The following PIP5K1B variants were observed in gnomAD, a reference collection of about 807,000 sequenced individuals.
PIP5K1B encodes phosphatidylinositol 4-phosphate 5-kinase type-1 beta.
A neutral mutation model predicts 67.0 loss-of-function variants in PIP5K1B; 42 were observed. That is an observed-to-expected ratio of 0.63 (90% CI 0.49 to 0.81). PIP5K1B has a LOEUF of 0.81. Among genes scored for constraint, PIP5K1B ranks in the 30% least tolerant of loss-of-function variants. PIP5K1B has a pLI of 0.00. For synonymous variants in PIP5K1B, 214 were observed against 231.4 expected, an observed-to-expected ratio of 0.92 and a Z score of 0.68; for missense variants, 459 against 646.3, an observed-to-expected ratio of 0.71 and a Z score of 3.14.
chr9:68,826,878 A>C (rs1834014134), intron 4 of PIP5K1B, among the ~76,000 whole-genome samples: 1 of 152,104 alleles, frequency 6.6e-6, no homozygotes, highest in Non-Finnish European at 1.5e-5. Flanking sequence ...CAGCCTCCCG[A>C]GTAGCTGGGA....
At chr9:68,714,076 A>G (rs1302397228) in intron 1 of PIP5K1B, among the ~76,000 whole-genome samples, 1 of 152,238 alleles carries the variant, frequency 6.6e-6, no homozygotes, top group Non-Finnish European at 1.5e-5. Flanking sequence ...CAGTTTTGAA[A>G]TAAGAGTTTT....
intron 14 of PIP5K1B, among the ~76,000 whole-genome samples, chr9:68,984,945 G>A (rs1830035629): frequency 6.6e-6 from 1 of 152,200 alleles, no homozygotes; most frequent in African/African-American, 2.4e-5. Flanking sequence ...TCTGTTTAGG[G>A]ACCATGTAAC....
chr9:68,706,448 G>GT (rs1827128918), intron 1 of PIP5K1B, among the ~76,000 whole-genome samples: 1 of 152,186 alleles, frequency 6.6e-6, no homozygotes, highest in South Asian at 2.1e-4. Context: ...AGATGAGCGT[G>GT]TTGTCATTTC....
At chr9:68,878,899 G>A (rs555650217) in intron 6 of PIP5K1B, among the ~76,000 whole-genome samples, 3 of 152,288 alleles carry the variant, frequency 2.0e-5, no homozygotes, top group Admixed American at 6.5e-5. Context: ...GATGCTCAGG[G>A]GGTGAAGGGT....
chr9:68,750,914 G>A (rs986220638), intron 2 of PIP5K1B, among the ~76,000 whole-genome samples: 1 of 152,188 alleles, frequency 6.6e-6, no homozygotes, highest in Non-Finnish European at 1.5e-5. Flanking sequence ...CACCTCTGCT[G>A]ATGACTAATG....
At chr9:68,928,056 G>C (rs1006442380) in intron 12 of PIP5K1B, among the ~76,000 whole-genome samples, 3 of 151,524 alleles carry the variant, frequency 2.0e-5, no homozygotes, top group African/African-American at 7.3e-5. Flanking sequence ...TGAAAATCAT[G>C]AGAGAACATA....
intron 2 of PIP5K1B, among the ~76,000 whole-genome samples, chr9:68,793,082 T>TGTGTATGTGTATACACATATA (rs143509259): frequency 0.14 from 19,832 of 144,002 alleles, 2,218 homozygotes; most frequent in East Asian, 0.31. Flanking sequence ...AGTGTGTATG[T>TGTGTATGTGTATACACATATA]GTGTATGTGT....
At position 68,981,141 on chromosome 9, in the gene PIP5K1B, G is replaced by C. The variant is rs73647054; in HGVS notation, c.1503-9999G>C. Among the ~76,000 whole-genome samples, 840 of 152,180 alleles carry C rather than the reference G, an allele frequency of 5.5e-3. 7 individuals carry two copies. The highest frequency in any genetic ancestry group is 0.019 in the African/African-American group (782 of 41,526). ...GACAAAGTAGAGATAAAAGTTGTTC[G>C]GTGTTTTTTAAGTGTGTCTAATATA... On this transcript the variant is annotated intron_variant, in intron 14 of 15. Transcript: ENST00000265382.
chr9:68,723,694 G>GT (rs1224332057), intron 1 of PIP5K1B, among the ~76,000 whole-genome samples: 16 of 36,712 alleles, frequency 4.4e-4, no homozygotes, highest in South Asian at 2.7e-3. Context: ...TGAAGTATTT[G>GT]GTTTTTTTTT....
chr9:68,993,306 A>ATCTC (rs1192660222), intron 15 of PIP5K1B, among the ~76,000 whole-genome samples: 1 of 151,994 alleles, frequency 6.6e-6, no homozygotes, highest in Non-Finnish European at 1.5e-5. Context: ...GACCAAGCAC[A>ATCTC]TCTCTGCCTT....
intron 2 of PIP5K1B, among the ~76,000 whole-genome samples, chr9:68,797,898 A>C (rs2132522309): frequency 6.6e-6 from 1 of 152,322 alleles, no homozygotes; most frequent in African/African-American, 2.4e-5. Flanking sequence ...AACAAAGTAG[A>C]TTTATAGTGG....
chr9:68,882,773 G>C (rs1307240815), intron 6 of PIP5K1B, among the ~76,000 whole-genome samples: 2 of 152,194 alleles, frequency 1.3e-5, no homozygotes, highest in African/African-American at 4.8e-5. Context: ...TCTAGGGTCT[G>C]CCTTTACTTT....
intron 4 of PIP5K1B, among the ~76,000 whole-genome samples, chr9:68,842,246 G>A (rs1177060260): frequency 6.6e-6 from 1 of 152,162 alleles, no homozygotes; most frequent in African/African-American, 2.4e-5. Flanking sequence ...TGTCCATGGA[G>A]GCAGGGAGGG....
At chr9:68,735,131 T>C (rs896382530) in intron 1 of PIP5K1B, among the ~76,000 whole-genome samples, 1 of 152,110 alleles carries the variant, frequency 6.6e-6, no homozygotes, top group Non-Finnish European at 1.5e-5. Flanking sequence ...TAACAAACTT[T>C]TTATATGAGA....
intron 3 of PIP5K1B, 61 bp downstream of exon 3, chr9:68,818,606 C>T (rs1343975047): frequency 1.3e-5 from 2 of 152,400 alleles, no homozygotes; most frequent in Non-Finnish European, 2.9e-5. Context: ...GAGCCCTTAC[C>T]TTTTTATTGT....
At chr9:68,832,086 T>C (rs1310664095) in intron 4 of PIP5K1B, among the ~76,000 whole-genome samples, 1 of 152,222 alleles carries the variant, frequency 6.6e-6, no homozygotes, top group East Asian at 1.9e-4. Context: ...GCCTCAAGAA[T>C]AACTTTTTCT....
At chr9:68,874,296 G>T (rs1823768135) in intron 5 of PIP5K1B, among the ~76,000 whole-genome samples, 2 of 152,172 alleles carry the variant, frequency 1.3e-5, no homozygotes, top group South Asian at 2.1e-4. Context: ...TCTTTTTCAT[G>T]GAATGATTTA....
At chr9:68,732,850 T>G (rs992950184) in intron 1 of PIP5K1B, among the ~76,000 whole-genome samples, 1 of 148,916 alleles carries the variant, frequency 6.7e-6, no homozygotes, top group Non-Finnish European at 1.5e-5. Flanking sequence ...TACAATTGAT[T>G]ACTGGCACAG....
intron 11 of PIP5K1B, among the ~76,000 whole-genome samples, chr9:68,920,372 T>TTGAGA: frequency 8.4e-6 from 1 of 118,680 alleles, no homozygotes; most frequent in African/African-American, 4.0e-5. Flanking sequence ...TTTTTTTTTT[T>TTGAGA]TTTTTTTTTT....
Sources: allele counts gnomAD v4.1 joint callset (sites outside exome capture counted in the v4.1 genomes callset), GRCh38; gene constraint gnomAD v4.1.1; transcripts MANE v1.5; gene names NCBI Gene and HGNC (gene_info 2026-07-23, HGNC 2026-07-21).